FSTL5: variants seen among roughly 807,000 people sequenced by gnomAD.
FSTL5 encodes follistatin-related protein 5.
In FSTL5, 62 loss-of-function variants were observed where a neutral mutation model predicts 89.1. The ratio of observed to expected loss-of-function variants is 0.70; its 90% confidence interval spans 0.57 to 0.86. The LOEUF is 0.86. Ranked by LOEUF, FSTL5 falls within the 40% of genes least tolerant of loss-of-function variation. The pLI, the probability that FSTL5 is intolerant of heterozygous loss-of-function variation, is 0.00. For synonymous variants in FSTL5, 383 were observed against 346.2 expected, an observed-to-expected ratio of 1.11 and a Z score of -1.18; for missense variants, 1,057 against 1,001.6, an observed-to-expected ratio of 1.06 and a Z score of -0.75.
At chr4:161,979,540 C>G (rs1019346601) in intron 3 of FSTL5, among the ~76,000 whole-genome samples, 6 of 152,026 alleles carry the variant, frequency 3.9e-5, no homozygotes, top group African/African-American at 1.4e-4. Context: ...CTCTCTCTCT[C>G]TCTGTCTTCT....
chr4:161,688,184 G>A (rs1737808014), intron 6 of FSTL5, among the ~76,000 whole-genome samples: 1 of 152,204 alleles, frequency 6.6e-6, no homozygotes, highest in South Asian at 2.1e-4. Flanking sequence ...CTGTGCTCAA[G>A]TGATCCTGCC....
intron 12 of FSTL5, among the ~76,000 whole-genome samples, chr4:161,484,421 T>C (rs1395412885): frequency 1.3e-5 from 2 of 152,136 alleles, no homozygotes; most frequent in African/African-American, 2.4e-5. Context: ...TGCCCTCAAT[T>C]TTTCTTATAA....
chr4:161,650,290 T>TCCTG (rs1736291726), intron 7 of FSTL5, among the ~76,000 whole-genome samples: 1 of 152,170 alleles, frequency 6.6e-6, no homozygotes, highest in Admixed American at 6.5e-5. Context: ...TCACTTAAAA[T>TCCTG]ACACAGTAAT....
intron 8 of FSTL5, among the ~76,000 whole-genome samples, chr4:161,578,052 C>T (rs2126595150): frequency 6.6e-6 from 1 of 152,092 alleles, no homozygotes. Flanking sequence ...CAAATCTATC[C>T]TCTCAACAAT....
At chr4:161,615,459 A>AG (rs1360622995) in intron 7 of FSTL5, among the ~76,000 whole-genome samples, 1 of 150,372 alleles carries the variant, frequency 6.7e-6, no homozygotes, top group African/African-American at 2.4e-5. Context: ...AAAAAAAAAA[A>AG]AAAAGAAAGA....
At chr4:161,833,202 T>C (rs1579125728) in intron 4 of FSTL5, among the ~76,000 whole-genome samples, 2 of 152,230 alleles carry the variant, frequency 1.3e-5, no homozygotes, top group African/African-American at 4.8e-5. Context: ...TGAGTGAGTT[T>C]CTTAATCCTG....
chr4:161,439,574 T>G (rs1044312720), intron 15 of FSTL5, among the ~76,000 whole-genome samples: 5 of 152,226 alleles, frequency 3.3e-5, no homozygotes, highest in African/African-American at 1.2e-4. Context: ...TCATCATCAT[T>G]ACAAACACAG....
At chr4:161,975,827 C>G (rs1462044648) in intron 3 of FSTL5, among the ~76,000 whole-genome samples, 2 of 150,004 alleles carry the variant, frequency 1.3e-5, no homozygotes. Flanking sequence ...AAGATTATCT[C>G]CAAGCAGGCT....
Position 161,386,391 on chromosome 4 carries a change from T to C in FSTL5, c.1900A>G (p.Met634Val). The C allele has an allele frequency of 6.2e-7, 1 of 1,613,658 alleles. No individual in the cohort carries two copies. Among genetic ancestry groups the C allele is most frequent in the South Asian group, 1.1e-5 (1 of 91,040 alleles). ...AALQKIDLET[M>V]SYIKTINLKD... Reference sequence around the variant, plus strand: ...AAGTTAATTGTCTTGATGTATGACATGGTTTCAAGATCAATTTTTTGTAGT... The same window carrying C: ...AAGTTAATTGTCTTGATGTATGACACGGTTTCAAGATCAATTTTTTGTAGT... Residue 634 changes from methionine to valine, a missense_variant, in exon 16 of 16, where the codon ATG becomes GTG. This residue lies in a region of FSTL5 where 980 missense variants were observed against 903.2 expected (regional missense o/e 1.08). Transcript: ENST00000306100.
intron 15 of FSTL5, among the ~76,000 whole-genome samples, chr4:161,410,482 C>A (rs561864299): frequency 6.6e-6 from 1 of 152,248 alleles, no homozygotes; most frequent in East Asian, 1.9e-4. Flanking sequence ...AGTCATAAAG[C>A]AAGCCTCCAC....
intron 6 of FSTL5, among the ~76,000 whole-genome samples, chr4:161,690,143 C>T (rs1417672761): frequency 2.0e-5 from 3 of 151,984 alleles, no homozygotes; most frequent in Non-Finnish European, 2.9e-5. Flanking sequence ...GAGTAGAAGC[C>T]GAATGCTGGG....
At chr4:161,815,660 C>A (rs1241979604) in intron 4 of FSTL5, among the ~76,000 whole-genome samples, 1 of 152,026 alleles carries the variant, frequency 6.6e-6, no homozygotes, top group Non-Finnish European at 1.5e-5. Context: ...AGTAGTTATA[C>A]AATCAGTACT....
At chr4:161,681,057 G>A (rs17638464) in intron 6 of FSTL5, among the ~76,000 whole-genome samples, 10,343 of 152,112 alleles carry the variant, frequency 0.068, 425 homozygotes, top group South Asian at 0.18. Context: ...CGTTACATGA[G>A]CGAGTAGCTG....
At chr4:161,518,737 A>C (rs548038510) in intron 10 of FSTL5, among the ~76,000 whole-genome samples, 1 of 152,356 alleles carries the variant, frequency 6.6e-6, no homozygotes, top group African/African-American at 2.4e-5. Flanking sequence ...CTTCAAACCA[A>C]GTAAACAAAG....
intron 3 of FSTL5, among the ~76,000 whole-genome samples, chr4:162,002,130 A>C (rs1167237063): frequency 1.3e-5 from 2 of 152,302 alleles, no homozygotes; most frequent in East Asian, 3.9e-4. Context: ...CTCTACTATA[A>C]ACTGAAAGAG....
chr4:162,108,429 G>A (rs1389558431), intron 2 of FSTL5, among the ~76,000 whole-genome samples: 2 of 151,768 alleles, frequency 1.3e-5, no homozygotes, highest in African/African-American at 2.4e-5. Flanking sequence ...ATATCTCTTT[G>A]TTCAGATTCA....
intron 6 of FSTL5, among the ~76,000 whole-genome samples, chr4:161,735,666 C>A (rs78223068): frequency 0.01 from 1,581 of 152,072 alleles, 33 homozygotes; most frequent in South Asian, 0.07. Flanking sequence ...TAAATACTTT[C>A]ATTTGTTATT....
chr4:161,444,466 G>T (rs1054043145), intron 15 of FSTL5, among the ~76,000 whole-genome samples: 2 of 151,562 alleles, frequency 1.3e-5, no homozygotes, highest in African/African-American at 4.8e-5. Context: ...GGTCTGTGTG[G>T]TCTCAAATTC....
chr4:161,426,937 TGACA>T (rs1732186072), intron 15 of FSTL5, among the ~76,000 whole-genome samples: 1 of 152,186 alleles, frequency 6.6e-6, no homozygotes. Flanking sequence ...ATCAATACTA[TGACA>T]ACAGATTTTA....
Sources: gnomAD v4.1 joint callset for allele counts (sites outside exome capture counted in the v4.1 genomes callset) on GRCh38, gnomAD v4.1.1 for gene constraint, gnomAD v4.1.1 regional missense constraint, MANE v1.5 for transcripts, NCBI Gene and HGNC (gene_info 2026-07-23, HGNC 2026-07-21) for gene names.